Variants in GTF2B observed in about 807,000 individuals in gnomAD.
The protein encoded by GTF2B is general transcription factor IIB.
In GTF2B, 20 loss-of-function variants were observed where a neutral mutation model predicts 34.6. That is an observed-to-expected ratio of 0.58 (90% CI 0.41 to 0.84). The LOEUF (loss-of-function observed/expected upper bound fraction) is 0.84. GTF2B is among the 40% of genes least tolerant of loss of function. GTF2B has a pLI of 0.00. For synonymous variants in GTF2B, 142 were observed against 132.4 expected (o/e 1.07, Z -0.50); for missense variants, 237 against 393.3 (o/e 0.60, Z 3.36).
At chr1:88,877,502 G>A (rs1290335757) in intron 2 of GTF2B, among the ~76,000 whole-genome samples, 7 of 152,140 alleles carry the variant, frequency 4.6e-5, no homozygotes, top group Non-Finnish European at 1.0e-4. Flanking sequence ...ATCAATTTAT[G>A]GGCAATGTAC....
At chr1:88,857,038 T>C (rs1673328738) in intron 6 of GTF2B, among the ~76,000 whole-genome samples, 168 bp downstream of exon 6, 2 of 152,134 alleles carry the variant, frequency 1.3e-5, no homozygotes, top group Admixed American at 6.6e-5. Context: ...TGACCTTAGG[T>C]GATCCTCCCG....
chr1:88,885,056 G>C (rs1674029946), intron 2 of GTF2B, among the ~76,000 whole-genome samples: 1 of 152,200 alleles, frequency 6.6e-6, no homozygotes. Context: ...TGTGGTTTCT[G>C]TTGAAGCTAC....
At chr1:88,879,956 G>A (rs954868060) in intron 2 of GTF2B, among the ~76,000 whole-genome samples, 1 of 151,996 alleles carries the variant, frequency 6.6e-6, no homozygotes, top group Non-Finnish European at 1.5e-5. Context: ...CTACTCCGGA[G>A]GCTGAAGCAG....
intron 2 of GTF2B, among the ~76,000 whole-genome samples, chr1:88,884,959 T>C (rs1415443394): frequency 3.3e-5 from 5 of 152,228 alleles, no homozygotes; most frequent in Non-Finnish European, 7.3e-5. Flanking sequence ...TATGGCAACA[T>C]ATGTGGCGAT....
chr1:88,863,616 A>G (rs1031080219), intron 3 of GTF2B, among the ~76,000 whole-genome samples: 2 of 152,164 alleles, frequency 1.3e-5, no homozygotes, highest in Non-Finnish European at 2.9e-5. Context: ...TGGCCTCCCA[A>G]AGTGCTGGGA....
rs533044599 is a variant in GTF2B, at chr1:88,891,321, T to C, written c.17+162A>G. Among the ~76,000 whole-genome samples, 337 of 152,332 alleles carry C rather than the reference T, an allele frequency of 2.2e-3. 1 individual carries two copies. The highest frequency in any genetic ancestry group is 7.8e-3 in the African/African-American group (325 of 41,592). ...AACCCCTGCGACACCCTGACAGTCC[T>C]GCCGTCTGGAAGTGCCTTTGTCCCG... is the stretch of plus-strand genomic sequence containing the variant. On this transcript the variant is annotated intron_variant, in intron 1 of 6. Coordinates refer to ENST00000370500, the MANE Select transcript of GTF2B (RefSeq NM_001514.6).
chr1:88,868,840 A>G (rs1319837388), intron 2 of GTF2B, among the ~76,000 whole-genome samples: 1 of 151,506 alleles, frequency 6.6e-6, no homozygotes, highest in African/African-American at 2.4e-5. Context: ...GGTTCATGCC[A>G]TTCTACTGCC....
At chr1:88,870,266 CTTGA>C (rs1673660941) in intron 2 of GTF2B, among the ~76,000 whole-genome samples, 1 of 152,300 alleles carries the variant, frequency 6.6e-6, no homozygotes, top group South Asian at 2.1e-4. Flanking sequence ...GTCTTTGTAT[CTTGA>C]TTAAGGTGTG....
intron 1 of GTF2B, 75 bp from the exon 2 acceptor site, chr1:88,887,442 G>A: frequency 3.4e-6 from 3 of 875,632 alleles, no homozygotes; most frequent in Non-Finnish European, 5.8e-6. Context: ...ATGGGGGATG[G>A]GGAAGACAAA....
Position 88,859,946 on chromosome 1 carries a change from A to T in GTF2B, c.471T>A (p.Asp157Glu). 6.2e-7 allele frequency: 1 copy of T among 1,612,398 alleles called. No individual in the cohort carries two copies. The highest frequency in any genetic ancestry group is 8.5e-7 in the Non-Finnish European group (1 of 1,178,456). The change falls in exon 5 of 7, where the codon GAT becomes GAA. Residue 157 changes from aspartate to glutamate, a missense_variant. By Grantham distance (45) the Asp-to-Glu change is conservative. This residue lies in a region of GTF2B where 29 missense variants were observed against 105.8 expected (regional missense o/e 0.27). Coordinates refer to ENST00000370500, the MANE Select transcript of GTF2B (RefSeq NM_001514.6). ...TATAGAGACAAGCAGAAGCTATAGC[A>T]TCATTAGCTCTTCCCTTCAGGCTCT... ...EQKSLKGRAN[D>E]AIASACLYIA... is the part of the protein sequence containing the mutation.
intron 3 of GTF2B, among the ~76,000 whole-genome samples, chr1:88,861,199 G>A (rs568405927): frequency 2.0e-5 from 3 of 152,304 alleles, no homozygotes; most frequent in African/African-American, 7.2e-5. Context: ...TGAGAAACAT[G>A]TGAGACGTTC....
At chr1:88,867,596 C>A (rs913217284) in intron 2 of GTF2B, among the ~76,000 whole-genome samples, 3 of 152,076 alleles carry the variant, frequency 2.0e-5, no homozygotes, top group Non-Finnish European at 4.4e-5. Flanking sequence ...TTTTTATTAA[C>A]ATACATGAAT....
chr1:88,861,122 AC>A (rs986066957), intron 3 of GTF2B, among the ~76,000 whole-genome samples: 39 of 152,360 alleles, frequency 2.6e-4, no homozygotes, highest in African/African-American at 8.4e-4. Context: ...AGTACAATCA[AC>A]CAACTTAAAA....
chr1:88,879,989 G>T (rs1673898166), intron 2 of GTF2B, among the ~76,000 whole-genome samples: 1 of 152,012 alleles, frequency 6.6e-6, no homozygotes, highest in South Asian at 2.1e-4. Context: ...AACCCGGGAG[G>T]TGGAGGTTGT....
chr1:88,887,297 C>T lies in GTF2B; in HGVS notation c.88G>A (p.Gly30Ser), dbSNP rs202186098. 2.3e-4 allele frequency: 364 copies of T among 1,609,680 alleles called. No homozygotes were observed. The highest frequency in any genetic ancestry group is 2.8e-4 in the Non-Finnish European group (329 of 1,176,064). ...DAILVEDYRA[G>S]DMICPECGLV... ...CCACATTCAGGACAGATCATATCAC[C>T]GGCTCTGTAGTCCTCCACTAAAATC... is the stretch of plus-strand genomic sequence containing the variant. The change falls in exon 2 of 7, where the codon GGT becomes AGT. Residue 30 changes from glycine (G) to serine (S), a missense_variant. This residue lies in a region of GTF2B where 130 missense variants were observed against 170.9 expected (regional missense o/e 0.76). Coordinates refer to ENST00000370500, the MANE Select transcript of GTF2B (RefSeq NM_001514.6).
chr1:88,889,188 G>C (rs1674140519), intron 1 of GTF2B, among the ~76,000 whole-genome samples: 1 of 152,170 alleles, frequency 6.6e-6, no homozygotes, highest in Admixed American at 6.5e-5. Context: ...TAGATGGCTG[G>C]GAGCTAGGAA....
chr1:88,883,542 T>C (rs1034607234), intron 2 of GTF2B, among the ~76,000 whole-genome samples: 1 of 151,430 alleles, frequency 6.6e-6, no homozygotes, highest in African/African-American at 2.4e-5. Context: ...TGTGAGACCC[T>C]ATCTGTACCA....
chr1:88,853,102 C>T lies in GTF2B; in HGVS notation c.*111G>A. ...AGCAATAGTATTCAGCCCTGGAATG[C>T]GTACCATGTCTTTTGTTTTTCCTCA... On this transcript the variant is annotated 3_prime_UTR_variant, in exon 7 of 7. Transcript: ENST00000370500. 5.5e-6 allele frequency: 5 copies of T among 911,392 alleles called. No individual in the cohort carries two copies. The highest frequency in any genetic ancestry group is 4.8e-5 in the East Asian group (2 of 41,576). 56.5% of individuals were successfully genotyped at this position (911,392 alleles called of 1,614,324 possible). A position where few individuals can be genotyped will look rare whatever the true frequency, so the allele number is the denominator to read the frequency against.
chr1:88,864,165 T>C (rs1395977943), intron 2 of GTF2B, 51 bp from the exon 3 acceptor site: 1 of 1,571,304 alleles, frequency 6.4e-7, no homozygotes, highest in Admixed American at 1.7e-5. Flanking sequence ...AGGGTTTACT[T>C]AACTACACTG....
Sources: allele counts gnomAD v4.1 joint callset (sites outside exome capture counted in the v4.1 genomes callset), GRCh38; gene constraint gnomAD v4.1.1; regional missense constraint gnomAD v4.1.1; transcripts MANE v1.5; gene names NCBI Gene and HGNC (gene_info 2026-07-23, HGNC 2026-07-21).